Variants in ST3GAL1 observed in about 807,000 individuals in gnomAD.
The protein encoded by ST3GAL1 is CMP-N-acetylneuraminate-beta-galactosamide-alpha-2,3-sialyltransferase 1.
In ST3GAL1, 16 loss-of-function variants were observed where a neutral mutation model predicts 34.1. That is an observed-to-expected ratio of 0.47 (90% CI 0.32 to 0.71). The LOEUF (loss-of-function observed/expected upper bound fraction) is 0.71. ST3GAL1 is among the 30% of genes least tolerant of loss of function. ST3GAL1 has a pLI of 0.04. For synonymous variants in ST3GAL1, 191 were observed against 184.7 expected, an observed-to-expected ratio of 1.03 and a Z score of -0.28; for missense variants, 353 against 447.4, an observed-to-expected ratio of 0.79 and a Z score of 1.90.
rs1471035127 is a variant in ST3GAL1 at position 133,475,738 on chromosome 8, T to C, written c.287A>G (p.Asp96Gly). ...TCTCACCAGCCACCATCGGTAGGTG[T>C]CGTCCTCCAAGAGCGCGTTCTGGGC... is the stretch of plus-strand genomic sequence containing the variant. The part of the protein sequence containing the change: ...LTAQNALLED[D>G]TYRWWLRLQR... Residue 96 changes from aspartate to glycine, a missense_variant, in exon 5 of 10, where the codon GAC becomes GGC. Coordinates refer to ENST00000522652, the MANE Select transcript of ST3GAL1 (RefSeq NM_173344.3). 2.5e-6 allele frequency: 4 copies of C among 1,602,522 alleles called. No individual in the cohort carries two copies. Among genetic ancestry groups the C allele is most frequent in the Admixed American group, 3.4e-5 (2 of 59,576 alleles).
intron 2 of ST3GAL1, among the ~76,000 whole-genome samples, chr8:133,513,899 GA>G (rs768065676): frequency 1.5e-3 from 212 of 136,910 alleles, no homozygotes; most frequent in Middle Eastern, 3.7e-3. Context: ...ACTCTGTCTG[GA>G]AAAAAAAAAA....
At position 133,465,248 on chromosome 8, in the gene ST3GAL1, AG is replaced by A. The variant is rs58163072; in HGVS notation, c.504-292del. Among the ~76,000 whole-genome samples the A allele has an allele frequency of 9.6e-3, 1,456 of 152,284 alleles. 21 individuals are homozygous for A. Among genetic ancestry groups the A allele is most frequent in the African/African-American group, 0.034 (1,398 of 41,542 alleles). ...TTCCACAGCCCTTTTTTTGCAGTCAAGGAAACCTGACTCTGATCCTTACCAT... is the reference window on the plus strand; with the variant it reads ...TTCCACAGCCCTTTTTTTGCAGTCAAGAAACCTGACTCTGATCCTTACCAT... On this transcript the variant is annotated intron_variant, in intron 6 of 9. Coordinates refer to ENST00000522652, the MANE Select transcript of ST3GAL1 (RefSeq NM_173344.3).
intron 8 of ST3GAL1, 27 bp downstream of exon 8, chr8:133,463,387 A>G (rs774565580): frequency 6.2e-7 from 1 of 1,613,506 alleles, no homozygotes; most frequent in Non-Finnish European, 8.5e-7. Flanking sequence ...CTGAACTTAG[A>G]ACAGAGGGGC....
intron 2 of ST3GAL1, among the ~76,000 whole-genome samples, chr8:133,507,236 C>T (rs6989914): frequency 0.32 from 48,085 of 152,118 alleles, 8,099 homozygotes; most frequent in African/African-American, 0.42. Context: ...TCAACTCCAC[C>T]ACTCATCAGT....
At chr8:133,504,912 A>T (rs1817288615) in intron 2 of ST3GAL1, among the ~76,000 whole-genome samples, 1 of 152,108 alleles carries the variant, frequency 6.6e-6, no homozygotes, top group East Asian at 1.9e-4. Flanking sequence ...GGGAAGTAGA[A>T]AGAGTTGGTA....
intron 3 of ST3GAL1, among the ~76,000 whole-genome samples, chr8:133,477,752 C>T (rs1157745825): frequency 6.6e-6 from 1 of 151,982 alleles, no homozygotes; most frequent in Non-Finnish European, 1.5e-5. Flanking sequence ...TGCACGTCTG[C>T]CCTGGAGCGT....
intron 3 of ST3GAL1, among the ~76,000 whole-genome samples, chr8:133,480,614 GT>G (rs1480487494): frequency 1.3e-5 from 2 of 152,182 alleles, no homozygotes; most frequent in Non-Finnish European, 2.9e-5. Flanking sequence ...GGAGAGGTGG[GT>G]AACCCTTACG....
chr8:133,540,191 G>A (rs1393311623), intron 2 of ST3GAL1, among the ~76,000 whole-genome samples: 1 of 152,030 alleles, frequency 6.6e-6, no homozygotes, highest in South Asian at 2.1e-4. Flanking sequence ...ATACTCCAGA[G>A]TGCTCCCAAG....
chr8:133,463,100 C>A (rs1031596738), intron 8 of ST3GAL1, among the ~76,000 whole-genome samples: 2 of 152,220 alleles, frequency 1.3e-5, no homozygotes, highest in African/African-American at 4.8e-5. Context: ...GCAGCAAGCA[C>A]AGGGGTCCCC....
At chr8:133,474,479 T>C (rs1816080778) in intron 5 of ST3GAL1, among the ~76,000 whole-genome samples, 1 of 152,232 alleles carries the variant, frequency 6.6e-6, no homozygotes, top group African/African-American at 2.4e-5. Context: ...ACCTTTCAAA[T>C]GACAAGATCA....
intron 2 of ST3GAL1, among the ~76,000 whole-genome samples, chr8:133,521,360 G>A (rs563814067): frequency 1.5e-4 from 23 of 152,134 alleles, no homozygotes; most frequent in Middle Eastern, 3.4e-3. Flanking sequence ...GTGCAGTGGC[G>A]TGATCTCCGC....
At chr8:133,516,676 A>G (rs1339821789) in intron 2 of ST3GAL1, among the ~76,000 whole-genome samples, 1 of 152,222 alleles carries the variant, frequency 6.6e-6, no homozygotes, top group Non-Finnish European at 1.5e-5. Context: ...TAGCTCTGTG[A>G]GGCTGGCAGG....
At chr8:133,541,114 T>TAGAGAG (rs1299790632) in intron 2 of ST3GAL1, among the ~76,000 whole-genome samples, 767 of 43,968 alleles carry the variant, frequency 0.017, 75 homozygotes, top group Middle Eastern at 0.026. Context: ...TATATATATA[T>TAGAGAG]ATATATAGAG....
chr8:133,566,267 T>G lies in ST3GAL1; in HGVS notation c.-582+5426A>C, dbSNP rs115819503. Among the ~76,000 whole-genome samples the G allele has an allele frequency of 5.4e-3, 820 of 152,260 alleles. 8 individuals are homozygous for G. Among genetic ancestry groups the G allele is most frequent in the African/African-American group, 0.018 (753 of 41,552 alleles). ...GCTCCCCCAACACAGTCATTAGGCC[T>G]TACTGCTTCCAGGCGGATCATTCAC... On this transcript the variant is annotated intron_variant, in intron 1 of 9. Transcript: ENST00000522652.
chr8:133,474,933 A>ATC (rs928210360), intron 5 of ST3GAL1, among the ~76,000 whole-genome samples: 3 of 152,154 alleles, frequency 2.0e-5, no homozygotes, highest in Non-Finnish European at 2.9e-5. Context: ...GAGAATAAGG[A>ATC]TCTCTCTCTC....
chr8:133,565,151 CTG>C (rs60990775), intron 1 of ST3GAL1, among the ~76,000 whole-genome samples: 3,474 of 139,290 alleles, frequency 0.025, 92 homozygotes, highest in African/African-American at 0.065. Flanking sequence ...CTCTGTGTGC[CTG>C]TGTGTGTGTG....
At chr8:133,498,405 G>C (rs558761843) in intron 3 of ST3GAL1, among the ~76,000 whole-genome samples, 1 of 152,216 alleles carries the variant, frequency 6.6e-6, no homozygotes, top group South Asian at 2.1e-4. Flanking sequence ...AAAATGGGAT[G>C]ATTATAATGA....
In ST3GAL1 at chr8:133,541,096, C is replaced by CAT. The variant is rs780797700; in HGVS notation, c.-429+4676_-429+4677dup. 9.6e-3 allele frequency among the ~76,000 whole-genome samples: 358 copies of CAT among 37,134 alleles called. 32 individuals are homozygous for CAT. Among genetic ancestry groups the CAT allele is most frequent in the African/African-American group, 0.023 (137 of 5,898 alleles). 24.4% of individuals were successfully genotyped at this position (37,134 alleles called of 152,430 possible). ...ATATATATAGACATATATATATAAA[C>CAT]ATATATATATATATATATATATATA... On this transcript the variant is annotated intron_variant, in intron 2 of 9. Coordinates refer to ENST00000522652, the MANE Select transcript of ST3GAL1 (RefSeq NM_173344.3).
At chr8:133,569,751 G>A (rs1819509652) in intron 1 of ST3GAL1, among the ~76,000 whole-genome samples, 1 of 152,108 alleles carries the variant, frequency 6.6e-6, no homozygotes, top group Non-Finnish European at 1.5e-5. Context: ...CTTCCCCACC[G>A]CAGAGACAAG....
Sources: gnomAD v4.1 joint callset for allele counts (sites outside exome capture counted in the v4.1 genomes callset) on GRCh38, gnomAD v4.1.1 for gene constraint, MANE v1.5 for transcripts, NCBI Gene and HGNC (gene_info 2026-07-23, HGNC 2026-07-21) for gene names.